RNH1: variants seen among roughly 807,000 people sequenced by gnomAD.
The protein encoded by RNH1 is ribonuclease/angiogenin inhibitor 1.
In RNH1, 38 loss-of-function variants were observed where a neutral mutation model predicts 46.1. The ratio of observed to expected loss-of-function variants is 0.82; its 90% CI spans 0.64 to 1.08. The LOEUF (loss-of-function observed/expected upper bound fraction) is 1.08. Ranked by LOEUF, RNH1 falls within the 50% of genes least tolerant of loss-of-function variation. The pLI is 0.00. For synonymous variants in RNH1, 319 were observed against 279.1 expected (o/e 1.14, Z -1.43); for missense variants, 577 against 590.7 (o/e 0.98, Z 0.24).
At chr11:496,166 C>T (rs1162178838) in intron 9 of RNH1, among the ~76,000 whole-genome samples, 3 of 152,132 alleles carry the variant, frequency 2.0e-5, no homozygotes, top group African/African-American at 7.2e-5. Context: ...ACCAAGACCC[C>T]CATCAAGGCC....
At position 494,907 on chromosome 11, in the gene RNH1, G is replaced by T. The variant is rs527268281; in HGVS notation, c.1274C>A (p.Pro425Gln). 2 of 1,611,464 alleles carry T rather than the reference G, an allele frequency of 1.2e-6. No individual in the cohort carries two copies. Among genetic ancestry groups the T allele is most frequent in the Non-Finnish European group, 1.7e-6 (2 of 1,179,180 alleles). The change falls in exon 10 of 11, where the codon CCG (proline) becomes CAG (glutamine). Residue 425 changes from proline (P) to glutamine (Q), a missense_variant. Transcript: ENST00000354420. Reference protein sequence around the residue: ...ILQLVESVRQPGCLLEQLVLY... With the variant: ...ILQLVESVRQQGCLLEQLVLY... ...CACCAGCTGCTCCAGGAGGCAGCCC[G>T]GCTGCCGGACGCTCTCCACCAGCTG...
In RNH1 at chr11:498,875, A is replaced by T; in HGVS notation, c.673T>A (p.Ser225Thr). 6.2e-7 allele frequency: 1 copy of T among 1,612,478 alleles called. No homozygotes were observed. The highest frequency in any genetic ancestry group is 8.5e-7 in the Non-Finnish European group (1 of 1,179,838). The change falls in exon 7 of 11, where the codon TCC becomes ACC. Residue 225 changes from serine (S) to threonine (T), a missense_variant. Coordinates refer to ENST00000354420, the MANE Select transcript of RNH1 (RefSeq NM_203387.3). ...GCCAGCTCCCGCAGCGAGGCCTTGGAGGCCACAATGCCGCACAGGTCCCGG... is the reference window on the plus strand; with the variant it reads ...GCCAGCTCCCGCAGCGAGGCCTTGGTGGCCACAATGCCGCACAGGTCCCGG... ...NCRDLCGIVA[S>T]KASLRELALG...
rs1216268453 is a variant in RNH1, at chr11:494,792, A to G, written c.1299-14T>C. On this transcript the variant is annotated splice_polypyrimidine_tract_variant and intron_variant, in intron 10 of 10. Transcript: ENST00000354420. ...ATGTCGTACAGGCTGCACACAGGCC[A>G]GAAGGGAGGCATGGGCCCGTGTCCT... 1 of 1,613,734 alleles carries G rather than the reference A, an allele frequency of 6.2e-7. No individual in the cohort carries two copies. The highest frequency in any genetic ancestry group is 1.1e-5 in the South Asian group (1 of 91,086).
intron 9 of RNH1, among the ~76,000 whole-genome samples, chr11:496,662 C>T (rs1254468022): frequency 6.6e-6 from 1 of 152,054 alleles, no homozygotes; most frequent in Non-Finnish European, 1.5e-5. Flanking sequence ...GAGCAAGACT[C>T]TCTCAAAAAA....
intron 3 of RNH1, chr11:500,864 C>G: frequency 1.5e-6 from 1 of 689,450 alleles, no homozygotes; most frequent in Non-Finnish European, 2.6e-6. Flanking sequence ...CGCGGTGGCT[C>G]ACGCCTGTAA....
chr11:499,514 A>T (rs1432981336), intron 5 of RNH1: 2 of 692,734 alleles, frequency 2.9e-6, no homozygotes. Context: ...CCCCACACAC[A>T]CTGAGGCGGT....
At chr11:500,401 C>T (rs1590745889) in intron 4 of RNH1, 83 bp downstream of exon 4, 13 of 1,489,280 alleles carry the variant, frequency 8.7e-6, no homozygotes, top group East Asian at 6.9e-5. Context: ...GCTGCCCACG[C>T]GCCCCTGGCG....
rs1429470790 is a variant in RNH1 at position 497,571 on chromosome 11, A to T, written c.1127+400T>A. The stretch of plus-strand genomic sequence containing the variant: ...CACTCTCACGTGCTCACACACGGAC[A>T]CGTGCTCATTCTTGCCCATGTGCTC... On this transcript the variant is annotated intron_variant, in intron 9 of 10. Coordinates refer to ENST00000354420, the MANE Select transcript of RNH1 (RefSeq NM_203387.3). 6.3e-3 allele frequency among the ~76,000 whole-genome samples: 752 copies of T among 118,990 alleles called. 91 individuals are homozygous for T. The highest frequency in any genetic ancestry group is 0.022 in the African/African-American group (688 of 31,114). 78.1% of individuals were successfully genotyped at this position (118,990 alleles called of 152,430 possible).
chr11:505,445 AT>A (rs1235321237), intron 1 of RNH1: 2 of 152,228 alleles, frequency 1.3e-5, no homozygotes, highest in Non-Finnish European at 2.9e-5. Context: ...GGTTTTGAAG[AT>A]GGAAGAAGGT....
rs766929494 is a variant in RNH1 at position 499,055 on chromosome 11, G to A, written c.574C>T (p.Gln192Ter). ...TGGCAGGGGGAGTCCTTCAGGCCCT[G>A]GCACAGCACACGGACGCCAGCCTCA... ...INEAGVRVLC[Q>*]GLKDSPCQLE... Residue 192 changes from glutamine (Q) to a stop codon, truncating the protein, a stop_gained, in exon 6 of 11, where the codon CAG (glutamine) becomes TAG (stop). Transcript: ENST00000354420. LOFTEE classifies it high-confidence loss of function. 1 of 1,613,362 alleles carries A rather than the reference G, an allele frequency of 6.2e-7. No individual in the cohort carries two copies. Among genetic ancestry groups the A allele is most frequent in the Non-Finnish European group, 8.5e-7 (1 of 1,179,962 alleles).
intron 5 of RNH1, 80 bp downstream of exon 5, chr11:499,749 G>A (rs953276776): frequency 1.3e-6 from 2 of 1,535,832 alleles, no homozygotes; most frequent in African/African-American, 2.7e-5. Context: ...ACGGCTCCTG[G>A]CAGGCGATGT....
At position 494,518 on chromosome 11, in the gene RNH1, C is replaced by T. The variant is rs1313953724; in HGVS notation, c.*173G>A. Reference sequence around the variant, plus strand: ...CAGGAAGGACAAGAGCCTCTCCTGCCAAGAAAGTGCTTTAATGATTATAAA... The same window carrying T: ...CAGGAAGGACAAGAGCCTCTCCTGCTAAGAAAGTGCTTTAATGATTATAAA... On this transcript the variant is annotated 3_prime_UTR_variant, in exon 11 of 11. Coordinates refer to ENST00000354420, the MANE Select transcript of RNH1 (RefSeq NM_203387.3). 1.5e-6 allele frequency: 1 copy of T among 651,966 alleles called. No individual in the cohort carries two copies. The highest frequency in any genetic ancestry group is 1.8e-5 in the African/African-American group (1 of 55,134). 40.4% of individuals were successfully genotyped at this position (651,966 alleles called of 1,614,324 possible).
intron 9 of RNH1, among the ~76,000 whole-genome samples, chr11:497,150 CATGCTCACTCTCACCCAT>C (rs920365156): frequency 2.7e-5 from 4 of 150,216 alleles, no homozygotes; most frequent in East Asian, 2.0e-4. Flanking sequence ...CATGGACACT[CATGCTCACTCTCACCCAT>C]GTGCTCACAC....
Position 500,657 on chromosome 11 carries a change from G to T in RNH1, c.102-3C>A. On this transcript the variant is annotated splice_polypyrimidine_tract_variant and splice_region_variant and intron_variant, in intron 3 of 10. Coordinates refer to ENST00000354420, the MANE Select transcript of RNH1 (RefSeq NM_203387.3). ...CCGTGAGGCCACAGTCGTCCAGCCT[G>T]TGAGCAGACCCCAGGGTCATGTGGA... The T allele has an allele frequency of 6.2e-7, 1 of 1,603,800 alleles. No individual in the cohort carries two copies.
intron 9 of RNH1, 101 bp downstream of exon 9, chr11:497,870 A>G (rs1849317544): frequency 7.1e-7 from 1 of 1,400,128 alleles, no homozygotes; most frequent in Non-Finnish European, 9.7e-7. Context: ...ATACACACGG[A>G]CACTCGTGCT....
rs1848870295 is a variant in RNH1 at position 494,627 on chromosome 11, G to A, written c.*64C>T. Reference sequence around the variant, plus strand: ...ATATGCAGGGTGAGAGCATGGCAGGGGCTGGTGGGCCCCAGGGTTGCCTCG... The same window carrying A: ...ATATGCAGGGTGAGAGCATGGCAGGAGCTGGTGGGCCCCAGGGTTGCCTCG... On this transcript the variant is annotated 3_prime_UTR_variant, in exon 11 of 11. Coordinates refer to ENST00000354420, the MANE Select transcript of RNH1 (RefSeq NM_203387.3). The A allele has an allele frequency of 2.8e-6, 4 of 1,412,578 alleles. No individual in the cohort carries two copies. The Admixed American group carries it at 7.0e-5, about 25-fold the overall frequency. The allele number at this position is 1,412,578 out of a possible 1,614,324, so 87.5% of individuals were successfully genotyped here. A position where few individuals can be genotyped will look rare whatever the true frequency, so the allele number is the denominator to read the frequency against.
intron 3 of RNH1, chr11:500,967 A>G: frequency 2.3e-6 from 1 of 426,130 alleles, no homozygotes; most frequent in Admixed American, 3.5e-5. Flanking sequence ...CGTCTTTACT[A>G]AAAATACAAA....
intron 9 of RNH1, 146 bp from the exon 10 acceptor site, chr11:495,199 G>A (rs1250678145): frequency 1.4e-5 from 11 of 809,588 alleles, no homozygotes; most frequent in East Asian, 5.4e-5. Flanking sequence ...AAGGCTCACC[G>A]TCCCTGTGGC....
chr11:501,783 G>A lies in RNH1; in HGVS notation c.101+279C>T. Reference sequence around the variant, plus strand: ...TGCCCTCGTGTCTCCAAGGGAGGGAGAGGAGCTGAGACACCGGAGCCAGAG... The same window carrying A: ...TGCCCTCGTGTCTCCAAGGGAGGGAAAGGAGCTGAGACACCGGAGCCAGAG... On this transcript the variant is annotated intron_variant, in intron 3 of 10. Coordinates refer to ENST00000354420, the MANE Select transcript of RNH1 (RefSeq NM_203387.3). This position sits in a 1 kb window ranked among gnomAD's most constrained non-coding sequence, Gnocchi z 4.1. 1 of 490,612 alleles carries A rather than the reference G, an allele frequency of 2.0e-6. No individual in the cohort carries two copies. The highest frequency in any genetic ancestry group is 3.7e-6 in the Non-Finnish European group (1 of 268,928). 30.4% of individuals were successfully genotyped at this position (490,612 alleles called of 1,614,324 possible).
Sources: allele counts gnomAD v4.1 joint callset (sites outside exome capture counted in the v4.1 genomes callset), GRCh38; gene constraint gnomAD v4.1.1; non-coding constraint Gnocchi (gnomAD v3.1); transcripts MANE v1.5; gene names NCBI Gene and HGNC (gene_info 2026-07-23, HGNC 2026-07-21).